The following ELMOD1 variants were observed in gnomAD, a reference collection of about 807,000 sequenced individuals.
The protein encoded by ELMOD1 is ELMO domain containing 1, also known as ELMO domain-containing protein 1.
In ELMOD1, 21 loss-of-function variants were observed where a neutral mutation model predicts 46.7. The observed-to-expected ratio is 0.45, with a 90% CI of 0.32 to 0.65. The LOEUF is 0.65. Among genes scored for constraint, ELMOD1 ranks in the 30% least tolerant of loss-of-function variants. ELMOD1 has a pLI of 0.04. For synonymous variants in ELMOD1, 122 were observed against 138.2 expected, an observed-to-expected ratio of 0.88 and a Z score of 0.82; for missense variants, 348 against 407.8, an observed-to-expected ratio of 0.85 and a Z score of 1.26.
chr11:107,612,662 CA>C (rs1865799699), intron 1 of ELMOD1, among the ~76,000 whole-genome samples: 1 of 152,136 alleles, frequency 6.6e-6, no homozygotes, highest in Non-Finnish European at 1.5e-5. Flanking sequence ...CATTTCTTAT[CA>C]ATAGTGGCTC....
intron 11 of ELMOD1, among the ~76,000 whole-genome samples, chr11:107,659,687 A>G (rs1478921526): frequency 6.6e-6 from 1 of 151,270 alleles, no homozygotes; most frequent in Non-Finnish European, 1.5e-5. Context: ...GGATGGATGG[A>G]TGGATGGATG....
At chr11:107,645,915 T>C (rs1360204923) in intron 6 of ELMOD1, among the ~76,000 whole-genome samples, 1 of 152,224 alleles carries the variant, frequency 6.6e-6, no homozygotes, top group African/African-American at 2.4e-5. Context: ...ATATTATGTT[T>C]TACACTGTGT....
At chr11:107,646,457 G>C (rs1035179362) in intron 6 of ELMOD1, among the ~76,000 whole-genome samples, 1 of 152,068 alleles carries the variant, frequency 6.6e-6, no homozygotes, top group Non-Finnish European at 1.5e-5. Flanking sequence ...AAACTTGGCC[G>C]GGTGTGGTGG....
At chr11:107,603,597 G>T (rs1342213403) in intron 1 of ELMOD1, among the ~76,000 whole-genome samples, 2 of 151,774 alleles carry the variant, frequency 1.3e-5, no homozygotes, top group African/African-American at 4.8e-5. Context: ...TCTATTTTGG[G>T]CTTCTTACAC....
intron 2 of ELMOD1, among the ~76,000 whole-genome samples, chr11:107,629,644 A>G (rs1866102512): frequency 6.6e-6 from 1 of 152,198 alleles, no homozygotes. Context: ...TTGTTGCGGT[A>G]TTGCTGGAGT....
At chr11:107,659,813 G>A (rs1407146245) in intron 11 of ELMOD1, among the ~76,000 whole-genome samples, 1 of 152,108 alleles carries the variant, frequency 6.6e-6, no homozygotes, top group East Asian at 1.9e-4. Flanking sequence ...TGTAATCCCA[G>A]CACTTTGGGA....
At chr11:107,622,206 G>A (rs1469686163) in intron 2 of ELMOD1, among the ~76,000 whole-genome samples, 3 of 152,154 alleles carry the variant, frequency 2.0e-5, no homozygotes, top group Non-Finnish European at 4.4e-5. Flanking sequence ...AGAAAGGAAG[G>A]ACTAGGATTT....
At chr11:107,648,733 AGTTAGTAGCCTGGTTCCCTTGTTAGT>A (rs1386285351) in intron 7 of ELMOD1, among the ~76,000 whole-genome samples, 1 of 147,262 alleles carries the variant, frequency 6.8e-6, no homozygotes, top group Non-Finnish European at 1.5e-5. Flanking sequence ...CAGAGTCAGG[AGTTAGTAGCCTGGTTCCCTTGTTAGT>A]GTCAATTTTT....
At chr11:107,624,989 A>T (rs535916275) in intron 2 of ELMOD1, among the ~76,000 whole-genome samples, 2 of 152,172 alleles carry the variant, frequency 1.3e-5, no homozygotes, top group Non-Finnish European at 2.9e-5. Flanking sequence ...AGGGCCCCAC[A>T]CTATCTGGGC....
intron 1 of ELMOD1, chr11:107,591,966 C>T (rs1591350754): frequency 1.9e-6 from 1 of 523,454 alleles, no homozygotes; most frequent in East Asian, 5.6e-5. Context: ...TGGGAAACTC[C>T]GCACTTCAAT....
chr11:107,650,384 T>C lies in ELMOD1; in HGVS notation c.604T>C (p.Ser202Pro). The change falls in exon 8 of 12, where the codon TCT (serine) becomes CCT (proline). Residue 202 changes from serine to proline, a missense_variant. Physicochemically the swap from Ser to Pro is moderately conservative, Grantham distance 74. Coordinates refer to ENST00000265840, the MANE Select transcript of ELMOD1 (RefSeq NM_018712.4). ...AGCAGCTCAGCAGGTCCTGTCTGAC[T>C]CTCTTCATCCGAAATGCAGGTAATT... The part of the protein sequence containing the change: ...ATAAQQVLSD[S>P]LHPKCRDITK... 6.3e-7 allele frequency: 1 copy of C among 1,592,090 alleles called. No homozygotes were observed. The highest frequency in any genetic ancestry group is 8.6e-7 in the Non-Finnish European group (1 of 1,168,362).
chr11:107,665,222 A>G lies in ELMOD1; in HGVS notation c.*25A>G. On this transcript the variant is annotated 3_prime_UTR_variant, in exon 12 of 12. Coordinates refer to ENST00000265840, the MANE Select transcript of ELMOD1 (RefSeq NM_018712.4). ...GTTGCCCACGCCGGTTTTAATGGAT[A>G]CCCTGGAACACTGCCTCATTGTCTT... 6.2e-7 allele frequency: 1 copy of G among 1,606,810 alleles called. No individual in the cohort carries two copies. The highest frequency in any genetic ancestry group is 1.7e-4 in the Middle Eastern group (1 of 5,964).
chr11:107,613,900 CA>C (rs746798819), intron 1 of ELMOD1, among the ~76,000 whole-genome samples: 18 of 152,244 alleles, frequency 1.2e-4, no homozygotes, highest in East Asian at 1.2e-3. Context: ...TGAGGAAGCC[CA>C]AATCTTTGTT....
intron 1 of ELMOD1, chr11:107,600,856 C>T (rs1360381463): frequency 6.6e-6 from 1 of 151,708 alleles, no homozygotes; most frequent in Non-Finnish European, 1.5e-5. Context: ...TTCCTCAAGC[C>T]TTAGTTTCTT....
At chr11:107,610,857 T>C (rs1865765179) in intron 1 of ELMOD1, among the ~76,000 whole-genome samples, 3 of 151,778 alleles carry the variant, frequency 2.0e-5, no homozygotes, top group Admixed American at 1.3e-4. Flanking sequence ...CTGAAAGGGC[T>C]CTGTATTCCA....
rs993260107 is a variant in ELMOD1 at position 107,598,573 on chromosome 11, G to T, written c.-86+7164G>T. 3.3e-5 allele frequency among the ~76,000 whole-genome samples: 5 copies of T among 152,206 alleles called. No homozygotes were observed. The East Asian group carries it at 9.6e-4, about 29-fold the overall frequency. ...GGGCTCTCTTACATGATGAGGCAGA[G>T]CCCACTCCCCACTCTAGGAGATGAA... On this transcript the variant is annotated intron_variant, in intron 1 of 11. Coordinates refer to ENST00000265840, the MANE Select transcript of ELMOD1 (RefSeq NM_018712.4).
rs539966430 is a variant in ELMOD1 at position 107,656,041 on chromosome 11, A to G, written c.807A>G (p.Thr269=). The change falls in exon 11 of 12, where the codon ACA becomes ACG. Residue 269 remains threonine, a synonymous_variant. Transcript: ENST00000265840. ...ACAATATCGCCCCAGAAGCTCCAACATTGTCTCACTTTCAGCAAACATTCT... is the reference window on the plus strand; with the variant it reads ...ACAATATCGCCCCAGAAGCTCCAACGTTGTCTCACTTTCAGCAAACATTCT... ...HFYNIAPEAP[T]LSHFQQTFCY... 3 of 1,557,052 alleles carry G rather than the reference A, an allele frequency of 1.9e-6. No individual in the cohort carries two copies. The South Asian group carries it at 3.5e-5, about 18-fold the overall frequency.
intron 2 of ELMOD1, among the ~76,000 whole-genome samples, chr11:107,624,848 C>G (rs2135681013): frequency 6.6e-6 from 1 of 152,014 alleles, no homozygotes; most frequent in East Asian, 1.9e-4. Flanking sequence ...AAAAGAGTGC[C>G]CTTTGCTACA....
chr11:107,640,099 G>A (rs1007697928), intron 6 of ELMOD1, among the ~76,000 whole-genome samples: 2 of 152,118 alleles, frequency 1.3e-5, no homozygotes, highest in African/African-American at 4.8e-5. Context: ...CACCTCCCAG[G>A]TTCAAGCAAT....
Sources: gnomAD v4.1 joint callset for allele counts (sites outside exome capture counted in the v4.1 genomes callset) on GRCh38, gnomAD v4.1.1 for gene constraint, MANE v1.5 for transcripts, NCBI Gene and HGNC (gene_info 2026-07-23, HGNC 2026-07-21) for gene names.